Variants in GLIS3 observed in about 807,000 individuals in gnomAD.
GLIS3 encodes the protein GLIS family zinc finger 3.
A neutral mutation model predicts 78.6 loss-of-function variants in GLIS3; 53 were observed. The observed-to-expected ratio is 0.67, with a 90% CI of 0.54 to 0.85. GLIS3 has a LOEUF of 0.85. Among genes scored for constraint, GLIS3 ranks in the 40% least tolerant of loss-of-function variants. The probability of loss-of-function intolerance (pLI) is 0.00; values close to 1 mark genes in which losing one functional copy is unlikely to be tolerated. For missense variants in GLIS3, 1,703 were observed against 1,231.1 expected, an observed-to-expected ratio of 1.38 and a Z score of -5.74; for synonymous variants, 684 against 509.9, an observed-to-expected ratio of 1.34 and a Z score of -4.60.
At chr9:4,212,696 A>C (rs374949507) in intron 2 of GLIS3, among the ~76,000 whole-genome samples, 27 of 152,332 alleles carry the variant, frequency 1.8e-4, no homozygotes, top group Admixed American at 9.8e-4. Flanking sequence ...CATGCAGAGG[A>C]AACAGCAGAT....
At chr9:3,892,301 C>G (rs1233234251) in intron 7 of GLIS3, among the ~76,000 whole-genome samples, 1 of 152,156 alleles carries the variant, frequency 6.6e-6, no homozygotes, top group Non-Finnish European at 1.5e-5. Context: ...TCCAATAAGA[C>G]TCCAAGAAGG....
intron 4 of GLIS3, among the ~76,000 whole-genome samples, chr9:4,084,983 C>T (rs746945579): frequency 2.1e-5 from 3 of 142,544 alleles, no homozygotes; most frequent in Non-Finnish European, 4.6e-5. Flanking sequence ...ACAAACAACG[C>T]AATGCAAAAA....
chr9:4,424,432 T>C, the GLIS3 span, among the ~76,000 whole-genome samples: 1 of 152,236 alleles, frequency 6.6e-6, no homozygotes, highest in Admixed American at 6.5e-5. Flanking sequence ...CAACAGATTC[T>C]AGCCTAGATT....
Position 3,942,687 on chromosome 9 carries a change from A to T in GLIS3, c.1711-5498T>A, listed in dbSNP as rs1281442885. On this transcript the variant is annotated intron_variant, in intron 4 of 10. Coordinates refer to ENST00000381971, the MANE Select transcript of GLIS3 (RefSeq NM_001042413.2). ...CAGGCTTCCCAGCTTCACCTAGGAGACTCGTTAAAACACAGACTCTGCCTC... is the reference window on the plus strand; with the variant it reads ...CAGGCTTCCCAGCTTCACCTAGGAGTCTCGTTAAAACACAGACTCTGCCTC... Among the ~76,000 whole-genome samples the T allele has an allele frequency of 2.6e-5, 4 of 152,102 alleles. No homozygotes were observed. The East Asian group carries it at 7.7e-4, about 29-fold the overall frequency.
At chr9:3,830,139 A>G (rs1817961997) in intron 9 of GLIS3, among the ~76,000 whole-genome samples, 1 of 152,270 alleles carries the variant, frequency 6.6e-6, no homozygotes, top group Admixed American at 6.5e-5. Flanking sequence ...AAGAAAAAAT[A>G]TGAGAAAAGA....
chr9:4,206,602 C>G (rs1378318566), intron 2 of GLIS3, among the ~76,000 whole-genome samples: 1 of 152,200 alleles, frequency 6.6e-6, no homozygotes, highest in Admixed American at 6.5e-5. Flanking sequence ...ACTTTATAAT[C>G]TCTCCCAAAG....
At chr9:3,858,628 T>A (rs1395380723) in intron 8 of GLIS3, among the ~76,000 whole-genome samples, 23 of 152,126 alleles carry the variant, frequency 1.5e-4, no homozygotes, top group Non-Finnish European at 5.9e-5. Context: ...TGACACCCCA[T>A]ATAAAGTATT....
In GLIS3 at chr9:4,233,777, T is replaced by C. The variant is rs898521698; in HGVS notation, c.388+52261A>G. 2.1e-4 allele frequency among the ~76,000 whole-genome samples: 32 copies of C among 152,240 alleles called. 1 individual carries two copies. The highest frequency in any genetic ancestry group is 4.4e-4 in the Non-Finnish European group (30 of 68,038). ...CCTCTGTAGCTATGAAAGTCCTAGA[T>C]GGCATCTTCTTCCAATAGAAGGCTG... On this transcript the variant is annotated intron_variant, in intron 2 of 10. Coordinates refer to ENST00000381971, the MANE Select transcript of GLIS3 (RefSeq NM_001042413.2).
At chr9:4,132,057 A>AC (rs1319464919) in intron 2 of GLIS3, among the ~76,000 whole-genome samples, 2 of 151,794 alleles carry the variant, frequency 1.3e-5, no homozygotes, top group Non-Finnish European at 2.9e-5. Flanking sequence ...TTTTAAAAAA[A>AC]AAAAAAAACA....
chr9:4,392,922 C>G, the GLIS3 span, among the ~76,000 whole-genome samples: 1 of 151,902 alleles, frequency 6.6e-6, no homozygotes, highest in Non-Finnish European at 1.5e-5. Context: ...CTTCCTGAAT[C>G]ACCATATATT....
the GLIS3 span, among the ~76,000 whole-genome samples, chr9:4,470,473 C>G: frequency 6.6e-6 from 1 of 152,186 alleles, no homozygotes; most frequent in African/African-American, 2.4e-5. Context: ...TAAATGTAAT[C>G]CAGCATATTA....
intron 2 of GLIS3, among the ~76,000 whole-genome samples, chr9:4,260,248 T>C (rs1177551376): frequency 1.3e-5 from 2 of 152,090 alleles, no homozygotes; most frequent in Admixed American, 6.5e-5. Context: ...CTGCCCAACA[T>C]GGTGAAACCC....
At chr9:3,837,916 T>G (rs1818454070) in intron 9 of GLIS3, among the ~76,000 whole-genome samples, 1 of 151,436 alleles carries the variant, frequency 6.6e-6, no homozygotes. Context: ...GAAACTGATG[T>G]GTCATTGTAG....
intron 2 of GLIS3, among the ~76,000 whole-genome samples, chr9:4,279,062 G>A (rs1827280688): frequency 6.6e-6 from 1 of 152,078 alleles, no homozygotes; most frequent in African/African-American, 2.4e-5. Context: ...AGCACTTTGG[G>A]AGGCTGAGGC....
Position 3,839,583 on chromosome 9 carries a change from C to CAA in GLIS3, c.2474-10093_2474-10092dup, listed in dbSNP as rs113301703. ...AGTAATATTGTCCCAAGTTTACAGC[C>CAA]AAAAAAAAAAAGGGGGGAGAAGTTA... On this transcript the variant is annotated intron_variant, in intron 9 of 10. Transcript: ENST00000381971. Among the ~76,000 whole-genome samples the CAA allele has an allele frequency of 3.1e-3, 439 of 140,786 alleles. 3 individuals are homozygous for CAA. Among genetic ancestry groups the CAA allele is most frequent in the East Asian group, 0.025 (121 of 4,786 alleles). The allele number at this position is 140,786 out of a possible 152,430, so 92.4% of individuals were successfully genotyped here. A position where few individuals can be genotyped will look rare whatever the true frequency, so the allele number is the denominator to read the frequency against.
intron 4 of GLIS3, among the ~76,000 whole-genome samples, chr9:3,960,541 G>T (rs1203503710): frequency 6.6e-6 from 1 of 152,148 alleles, no homozygotes; most frequent in Non-Finnish European, 1.5e-5. Context: ...CTCTTGCTTT[G>T]TTCATCATTC....
chr9:4,246,847 T>G (rs371003572), intron 2 of GLIS3, among the ~76,000 whole-genome samples: 1 of 152,354 alleles, frequency 6.6e-6, no homozygotes. Context: ...TTGGTTTTTA[T>G]GAATATTATT....
At chr9:4,363,233 G>A in the GLIS3 span, among the ~76,000 whole-genome samples, 1 of 152,102 alleles carries the variant, frequency 6.6e-6, no homozygotes, top group Non-Finnish European at 1.5e-5. Flanking sequence ...GACCAGCCTG[G>A]CCAACATGGT....
the GLIS3 span, among the ~76,000 whole-genome samples, chr9:4,391,881 C>T: frequency 6.6e-6 from 1 of 152,244 alleles, no homozygotes; most frequent in African/African-American, 2.4e-5. Flanking sequence ...ACCATTTGGC[C>T]TAGCAATCCC....
Sources: allele counts gnomAD v4.1 joint callset (sites outside exome capture counted in the v4.1 genomes callset), GRCh38; gene constraint gnomAD v4.1.1; transcripts MANE v1.5; gene names NCBI Gene and HGNC (gene_info 2026-07-23, HGNC 2026-07-21).